Variants in DNAH3 observed in about 807,000 individuals in gnomAD.
DNAH3 encodes the protein axonemal beta dynein heavy chain 3.
A neutral mutation model predicts 432.5 loss-of-function variants in DNAH3; 332 were observed. That is an observed-to-expected ratio of 0.77 (90% CI 0.70 to 0.84). The LOEUF (loss-of-function observed/expected upper bound fraction) is 0.84. Among genes scored for constraint, DNAH3 ranks in the 40% least tolerant of loss-of-function variants. DNAH3 has a pLI of 0.00. For synonymous variants in DNAH3, 1,956 were observed against 1,900.2 expected (o/e 1.03, Z -0.76); for missense variants, 4,861 against 5,114.0 (o/e 0.95, Z 1.51).
exon 55 of DNAH3, chr16:20,954,950 C>A: frequency 1.9e-6 from 3 of 1,614,140 alleles, no homozygotes; most frequent in East Asian, 2.2e-5. Context: ...GAGGTAGGAG[C>A]GCAACAGGTT....
intron 19 of DNAH3, among the ~76,000 whole-genome samples, chr16:21,084,483 C>T (rs879663579): frequency 1.3e-5 from 2 of 151,938 alleles, no homozygotes; most frequent in Non-Finnish European, 2.9e-5. Flanking sequence ...CCACCACGCC[C>T]GGCTAATTTT....
At chr16:21,109,515 T>C (rs1233774223) in intron 14 of DNAH3, among the ~76,000 whole-genome samples, 1 of 152,230 alleles carries the variant, frequency 6.6e-6, no homozygotes, top group Non-Finnish European at 1.5e-5. Context: ...CTTATAGTAC[T>C]ATAAAATGCT....
exon 53 of DNAH3, chr16:20,964,017 C>T (rs1373186459): frequency 6.2e-7 from 1 of 1,614,038 alleles, no homozygotes; most frequent in Non-Finnish European, 8.5e-7. Context: ...CCATCCGAGT[C>T]TCGTCAATCT....
chr16:21,139,022 T>G (rs1372808586), intron 5 of DNAH3, among the ~76,000 whole-genome samples: 1 of 152,146 alleles, frequency 6.6e-6, no homozygotes, highest in Non-Finnish European at 1.5e-5. Flanking sequence ...CAACAGCACA[T>G]AGTCACTGTG....
At position 20,975,268 on chromosome 16, in the gene DNAH3, CTTCT is replaced by C; in HGVS notation, c.8220_8223del (p.Glu2741ProfsTer19). On this transcript the variant is annotated frameshift_variant, in exon 51 of 62. Transcript: ENST00000261383. LOFTEE classifies it high-confidence loss of function. ...TGGGCAATGGCAGCAGCAACATTGGCTTCTTTTTCATCTGCCTGCACCAGAAGTT... is the reference window on the plus strand; with the variant it reads ...TGGGCAATGGCAGCAGCAACATTGGCTTTTCATCTGCCTGCACCAGAAGTT... The C allele has an allele frequency of 6.2e-7, 1 of 1,614,016 alleles. No homozygotes were observed. The highest frequency in any genetic ancestry group is 2.2e-5 in the East Asian group (1 of 44,880).
At chr16:20,992,364 G>C (rs1183287481) in intron 44 of DNAH3, among the ~76,000 whole-genome samples, 1 of 151,844 alleles carries the variant, frequency 6.6e-6, no homozygotes, top group Admixed American at 6.6e-5. Context: ...TTTATTTTTT[G>C]AGATGGAGTC....
chr16:21,024,783 T>C lies in DNAH3; in HGVS notation c.5541-82A>G, dbSNP rs1426952885. ...AACATTTATTGAGCAATCTACTGCA[T>C]GTCAGGCACCATGCTAGGCATTAAT... is the stretch of plus-strand genomic sequence containing the variant. On this transcript the variant is annotated intron_variant, in intron 38 of 61. Transcript: ENST00000261383. The C allele has an allele frequency of 5.7e-6, 6 of 1,056,400 alleles. No homozygotes were observed. In the Admixed American group the frequency reaches 9.5e-5, roughly 17 times the overall value. The allele number at this position is 1,056,400 out of a possible 1,614,324, so 65.4% of individuals were successfully genotyped here. A position where few individuals can be genotyped will look rare whatever the true frequency, so the allele number is the denominator to read the frequency against.
chr16:20,965,345 CAT>C lies in DNAH3; in HGVS notation c.8537_8538del (p.Tyr2846Ter), dbSNP rs751506458. 57 of 1,598,894 alleles carry C rather than the reference CAT, an allele frequency of 3.6e-5. No individual in the cohort carries two copies. The highest frequency in any genetic ancestry group is 4.5e-5 in the Non-Finnish European group (53 of 1,172,124). Reference sequence around the variant, plus strand: ...GTCAGTGGGGGGATGTTGTCTTTGTCATATGTCTTAAGACTCTCCAAGAATTT... The same window carrying C: ...GTCAGTGGGGGGATGTTGTCTTTGTCATGTCTTAAGACTCTCCAAGAATTT... On this transcript the variant is annotated frameshift_variant, in exon 53 of 62. Transcript: ENST00000261383. LOFTEE classifies it high-confidence loss of function.
At chr16:21,103,297 C>A (rs1327942679) in intron 16 of DNAH3, among the ~76,000 whole-genome samples, 2 of 97,336 alleles carry the variant, frequency 2.1e-5, no homozygotes, top group Admixed American at 1.5e-4. Flanking sequence ...CCTGTTCCCC[C>A]AAAAACCTAT....
chr16:21,039,806 C>T (rs987666201), intron 33 of DNAH3, 46 bp downstream of exon 33: 1 of 1,391,474 alleles, frequency 7.2e-7, no homozygotes, highest in Admixed American at 1.7e-5. Context: ...CAAAAAGCCG[C>T]TATTTAAAGT....
At chr16:20,979,158 C>G (rs2085736306) in intron 50 of DNAH3, among the ~76,000 whole-genome samples, 172 bp downstream of exon 50, 1 of 152,088 alleles carries the variant, frequency 6.6e-6, no homozygotes, top group South Asian at 2.1e-4. Context: ...ATCTTAAAGA[C>G]AGGATCCCAC....
chr16:21,143,066 G>A (rs1043309997), intron 3 of DNAH3, among the ~76,000 whole-genome samples: 1 of 152,122 alleles, frequency 6.6e-6, no homozygotes, highest in Non-Finnish European at 1.5e-5. Context: ...CACCAGTGCC[G>A]CTCTGAAGAA....
rs1567656057 is a variant in DNAH3, at chr16:21,024,674, AT to A, written c.5567del (p.His1856LeufsTer3). On this transcript the variant is annotated frameshift_variant, in exon 39 of 62. Coordinates refer to ENST00000261383, the Ensembl canonical transcript of DNAH3. LOFTEE classifies it high-confidence loss of function. ...CCTTCAGGGGCTTCCAGCCTAGTTG[AT>A]GGGGCTCCATGTAGATCATCCCACA... 1.9e-6 allele frequency: 3 copies of A among 1,613,778 alleles called. No individual in the cohort carries two copies.
At chr16:20,940,364 A>G (rs1162751234) in intron 59 of DNAH3, among the ~76,000 whole-genome samples, 2 of 151,800 alleles carry the variant, frequency 1.3e-5, no homozygotes, top group Non-Finnish European at 2.9e-5. Flanking sequence ...GCTCAGCCTC[A>G]GTTTTCTTAC....
chr16:20,936,524 G>A (rs113150592), intron 60 of DNAH3, 125 bp downstream of exon 60: 22,361 of 795,674 alleles, frequency 0.028, 416 homozygotes, highest in Middle Eastern at 0.066. Flanking sequence ...TGTTTCCAGA[G>A]GCTCAATCCA....
At chr16:21,066,394 G>T (rs1031455817) in intron 24 of DNAH3, among the ~76,000 whole-genome samples, 1 of 151,724 alleles carries the variant, frequency 6.6e-6, no homozygotes, top group Non-Finnish European at 1.5e-5. Flanking sequence ...TTGAGACATG[G>T]TCTGACTCTG....
intron 23 of DNAH3, among the ~76,000 whole-genome samples, chr16:21,068,826 A>G (rs1813262161): frequency 6.6e-6 from 1 of 152,238 alleles, no homozygotes; most frequent in South Asian, 2.1e-4. Context: ...CTTGTAAGAA[A>G]TGACAGTTAA....
At chr16:21,034,485 C>A (rs930287863) in intron 35 of DNAH3, among the ~76,000 whole-genome samples, 1 of 152,142 alleles carries the variant, frequency 6.6e-6, no homozygotes, top group Non-Finnish European at 1.5e-5. Flanking sequence ...TTGACTTTAA[C>A]GCCTCTAATA....
intron 29 of DNAH3, among the ~76,000 whole-genome samples, chr16:21,051,137 A>C (rs1162137452): frequency 6.6e-6 from 1 of 152,156 alleles, no homozygotes; most frequent in Non-Finnish European, 1.5e-5. Context: ...AATCTAAAAA[A>C]CTCTCACTGT....
Sources: gnomAD v4.1 joint callset for allele counts (sites outside exome capture counted in the v4.1 genomes callset) on GRCh38, gnomAD v4.1.1 for gene constraint, MANE v1.5 for transcripts, NCBI Gene and HGNC (gene_info 2026-07-23, HGNC 2026-07-21) for gene names.